METAP1: variants seen among roughly 807,000 people sequenced by gnomAD.
The protein encoded by METAP1 is methionine aminopeptidase 1.
A neutral mutation model predicts 53.8 loss-of-function variants in METAP1; 28 were observed. The observed-to-expected ratio is 0.52, with a 90% CI of 0.39 to 0.71. METAP1 has a LOEUF of 0.71. Ranked by LOEUF, METAP1 falls within the 30% of genes least tolerant of loss-of-function variation. The pLI, the probability that METAP1 is intolerant of heterozygous loss-of-function variation, is 0.00. For synonymous variants in METAP1, 181 were observed against 165.7 expected, an observed-to-expected ratio of 1.09 and a Z score of -0.71; for missense variants, 389 against 479.8, an observed-to-expected ratio of 0.81 and a Z score of 1.77.
intron 1 of METAP1, among the ~76,000 whole-genome samples, chr4:99,003,938 A>T (rs991655468): frequency 1.1e-4 from 16 of 152,310 alleles, no homozygotes; most frequent in African/African-American, 3.4e-4. Flanking sequence ...CCCTGTTCAG[A>T]CACCAGTCAC....
intron 1 of METAP1, among the ~76,000 whole-genome samples, chr4:99,013,125 A>G (rs1450979925): frequency 6.6e-6 from 1 of 152,128 alleles, no homozygotes; most frequent in Non-Finnish European, 1.5e-5. Flanking sequence ...GATTGAGAGT[A>G]TGTTTCATTT....
rs1386608572 is a variant in METAP1 at position 99,004,485 on chromosome 4, ACAC to A, written c.114+8619_114+8621del. Among the ~76,000 whole-genome samples the A allele has an allele frequency of 0.012, 691 of 59,240 alleles. 3 individuals are homozygous for A. The African/African-American group carries it at 0.16, about 13-fold the overall frequency. The allele number at this position is 59,240 out of a possible 152,430, so 38.9% of individuals were successfully genotyped here. A position where few individuals can be genotyped will look rare whatever the true frequency, so the allele number is the denominator to read the frequency against. On this transcript the variant is annotated intron_variant, in intron 1 of 10. Coordinates refer to ENST00000296411, the MANE Select transcript of METAP1 (RefSeq NM_015143.3). Reference sequence around the variant, plus strand: ...CACACACACACACACACACACACATACACACACACACACACACACACACACACA... The same window carrying A: ...CACACACACACACACACACACACATAACACACACACACACACACACACACA...
At chr4:99,035,634 TCTAC>T (rs1215594400) in intron 4 of METAP1, among the ~76,000 whole-genome samples, 174 bp downstream of exon 4, 2 of 152,160 alleles carry the variant, frequency 1.3e-5, no homozygotes, top group African/African-American at 4.8e-5. Context: ...CCATTAGAAA[TCTAC>T]CTACCTCTGA....
At chr4:99,025,687 C>G (rs1025561017) in intron 1 of METAP1, among the ~76,000 whole-genome samples, 1 of 152,174 alleles carries the variant, frequency 6.6e-6, no homozygotes, top group African/African-American at 2.4e-5. Flanking sequence ...CCAGGGCACT[C>G]TAACCTGAAA....
At chr4:99,022,660 CTCGCTGTGGTGGG>C in intron 1 of METAP1, 1 of 1,159,026 alleles carries the variant, frequency 8.6e-7, no homozygotes. Flanking sequence ...AGGCAAGGTG[CTCGCTGTGGTGGG>C]ACCAGGTGAA....
intron 1 of METAP1, chr4:99,026,528 T>A (rs192191725): frequency 5.1e-6 from 5 of 985,282 alleles, no homozygotes; most frequent in Admixed American, 6.2e-5. Context: ...GGGAAGAGAT[T>A]GGGAAGTGTG....
At chr4:99,001,602 A>G (rs1371013934) in intron 1 of METAP1, among the ~76,000 whole-genome samples, 3 of 152,208 alleles carry the variant, frequency 2.0e-5, no homozygotes, top group African/African-American at 7.2e-5. Flanking sequence ...CTACATTTAC[A>G]TGATCCTTTA....
chr4:99,017,187 A>C lies in METAP1; in HGVS notation c.115-11680A>C, dbSNP rs187002764. ...CTGGTAGCTGGAGATTATTTAAAAC[A>C]CAAGTCACTAATGACTCATGAGCAA... On this transcript the variant is annotated intron_variant, in intron 1 of 10. Transcript: ENST00000296411. Among the ~76,000 whole-genome samples, 313 of 152,354 alleles carry C rather than the reference A, an allele frequency of 2.1e-3. 1 individual carries two copies. Among genetic ancestry groups the C allele is most frequent in the Non-Finnish European group, 4.0e-3 (272 of 68,032 alleles).
intron 10 of METAP1, 109 bp downstream of exon 10, chr4:99,057,927 C>G: frequency 1.2e-6 from 1 of 864,380 alleles, no homozygotes; most frequent in Non-Finnish European, 1.8e-6. Flanking sequence ...TTCCTACTCA[C>G]TCCCTGTCCC....
At chr4:98,999,871 A>C (rs1313075189) in intron 1 of METAP1, among the ~76,000 whole-genome samples, 1 of 152,084 alleles carries the variant, frequency 6.6e-6, no homozygotes, top group Non-Finnish European at 1.5e-5. Flanking sequence ...GTTTTACTTG[A>C]AAATTGAGTT....
chr4:99,023,394 TTAAG>T (rs1724293421), intron 1 of METAP1: 2 of 882,164 alleles, frequency 2.3e-6, no homozygotes, highest in Admixed American at 1.1e-4. Flanking sequence ...TGTTTATATA[TTAAG>T]TATTTGTAAG....
chr4:99,015,856 A>G (rs991612888), intron 1 of METAP1, among the ~76,000 whole-genome samples: 21 of 152,186 alleles, frequency 1.4e-4, no homozygotes, highest in Admixed American at 1.3e-3. Flanking sequence ...AAGAAAGAAA[A>G]ATAGAAATAA....
chr4:99,028,393 T>C (rs1180608617), intron 1 of METAP1, among the ~76,000 whole-genome samples: 1 of 152,158 alleles, frequency 6.6e-6, no homozygotes, highest in Non-Finnish European at 1.5e-5. Context: ...TAAACTTTGA[T>C]ACCATCCCTT....
intron 9 of METAP1, among the ~76,000 whole-genome samples, chr4:99,052,586 G>C (rs1579331387): frequency 6.6e-6 from 1 of 152,162 alleles, no homozygotes; most frequent in East Asian, 1.9e-4. Context: ...AGTACCAAGG[G>C]AGGTGGTGCT....
intron 10 of METAP1, among the ~76,000 whole-genome samples, chr4:99,060,352 AG>A (rs1727453050): frequency 6.8e-6 from 1 of 146,338 alleles, no homozygotes; most frequent in Non-Finnish European, 1.5e-5. Flanking sequence ...GGAATCATTA[AG>A]CACATGCTTT....
Position 99,041,062 on chromosome 4 carries a change from A to G in METAP1, c.452A>G (p.Asp151Gly). ...TTACAGCTTGCTAGAGAAGTTTTGGATGTTGCTGCCGGCATGATTAAACCA... is the reference window on the plus strand; with the variant it reads ...TTACAGCTTGCTAGAGAAGTTTTGGGTGTTGCTGCCGGCATGATTAAACCA... ...LVCRLAREVLDVAAGMIKPGV... is the reference protein window; with the variant it reads ...LVCRLAREVLGVAAGMIKPGV... Residue 151 changes from aspartate (D) to glycine (G), a missense_variant, in exon 6 of 11, where the codon GAT (aspartate) becomes GGT (glycine). Physicochemically the swap from Asp to Gly is moderately conservative, Grantham distance 94 (BLOSUM62 -1). Transcript: ENST00000296411. The G allele has an allele frequency of 6.2e-7, 1 of 1,608,750 alleles. No individual in the cohort carries two copies. Among genetic ancestry groups the G allele is most frequent in the Non-Finnish European group, 8.5e-7 (1 of 1,176,728 alleles).
intron 1 of METAP1, among the ~76,000 whole-genome samples, chr4:99,021,982 G>T (rs1724142739): frequency 6.6e-6 from 1 of 152,182 alleles, no homozygotes; most frequent in Non-Finnish European, 1.5e-5. Context: ...AAACTTTGTA[G>T]AAGAACTTCT....
chr4:99,004,622 A>C (rs1579237404), intron 1 of METAP1, among the ~76,000 whole-genome samples: 1 of 152,190 alleles, frequency 6.6e-6, no homozygotes, highest in Non-Finnish European at 1.5e-5. Flanking sequence ...AAACAAGTGA[A>C]AACAGAAGGC....
In METAP1 at chr4:98,995,724, G is replaced by T. The variant is rs1342414880; in HGVS notation, c.-30G>T. ...TCCCTCCCGCCGCCGCCTCTTCCTC[G>T]GTGAGGCGCTCTTCCAGCGGGCAGG... On this transcript the variant is annotated 5_prime_UTR_variant, in exon 1 of 11. Transcript: ENST00000296411. The T allele has an allele frequency of 3.9e-6, 6 of 1,531,496 alleles. No homozygotes were observed. Among genetic ancestry groups the T allele is most frequent in the Admixed American group, 4.0e-5 (2 of 50,616 alleles). The allele number at this position is 1,531,496 out of a possible 1,614,324, so 94.9% of individuals were successfully genotyped here.
Sources: allele counts gnomAD v4.1 joint callset (sites outside exome capture counted in the v4.1 genomes callset), GRCh38; gene constraint gnomAD v4.1.1; transcripts MANE v1.5; gene names NCBI Gene and HGNC (gene_info 2026-07-23, HGNC 2026-07-21).